The following IARS1 variants were observed in gnomAD, a reference collection of about 807,000 sequenced individuals.
The protein encoded by IARS1 is isoleucine--tRNA ligase, cytoplasmic.
In IARS1, 124 loss-of-function variants were observed where a neutral mutation model predicts 168.2. The ratio of observed to expected loss-of-function variants is 0.74; its 90% confidence interval spans 0.64 to 0.86. The LOEUF is 0.86. Ranked by LOEUF, IARS1 falls within the 40% of genes least tolerant of loss-of-function variation. The pLI, the probability that IARS1 is intolerant of heterozygous loss-of-function variation, is 0.00. For missense variants in IARS1, 1,452 were observed against 1,515.8 expected (o/e 0.96, Z 0.70); for synonymous variants, 532 against 529.4 (o/e 1.00, Z -0.07).
intron 30 of IARS1, among the ~76,000 whole-genome samples, chr9:92,237,714 A>G (rs1319425825): frequency 1.3e-5 from 2 of 152,170 alleles, no homozygotes; most frequent in African/African-American, 4.8e-5. Flanking sequence ...TGCCCCTGGT[A>G]ATTTTCTTTG....
intron 31 of IARS1, among the ~76,000 whole-genome samples, chr9:92,226,666 T>A (rs371369115): frequency 9.9e-5 from 15 of 152,260 alleles, no homozygotes; most frequent in African/African-American, 3.6e-4. Flanking sequence ...GGCGAATTCT[T>A]TTTTGCCTCT....
intron 25 of IARS1, among the ~76,000 whole-genome samples, chr9:92,249,322 C>T (rs1397766676): frequency 6.6e-6 from 1 of 152,154 alleles, no homozygotes; most frequent in Non-Finnish European, 1.5e-5. Context: ...GAGGCCAAGG[C>T]GGGCAGATCA....
At chr9:92,286,790 T>A (rs1225272383) in intron 4 of IARS1, among the ~76,000 whole-genome samples, 172 bp from the exon 5 acceptor site, 1 of 152,192 alleles carries the variant, frequency 6.6e-6, no homozygotes, top group East Asian at 1.9e-4. Context: ...AAGAACCAGT[T>A]TTCTCGGCAT....
intron 9 of IARS1, among the ~76,000 whole-genome samples, chr9:92,277,656 C>A (rs1262078405): frequency 1.4e-5 from 2 of 140,556 alleles, no homozygotes. Context: ...GCCTGGGGGA[C>A]AGAGGAAACC....
intron 7 of IARS1, among the ~76,000 whole-genome samples, chr9:92,279,798 C>T (rs1417077092): frequency 1.3e-5 from 2 of 152,096 alleles, no homozygotes; most frequent in East Asian, 1.9e-4. Context: ...CAATAACTCC[C>T]CCTTCCCTCC....
At position 92,222,644 on chromosome 9, in the gene IARS1, G is replaced by C; in HGVS notation, c.3582C>G (p.Leu1194=). 1 of 1,614,044 alleles carries C rather than the reference G, an allele frequency of 6.2e-7. No individual in the cohort carries two copies. The highest frequency in any genetic ancestry group is 8.5e-7 in the Non-Finnish European group (1 of 1,179,992). ...QECLMGTVGT[L]LLENPLGQNG... is the part of the protein sequence containing the mutation. ...TCTGCCCAAGTGGGTTTTCAAGCAGGAGAGTGCCCACTGTCCCCATTAAAC... is the reference window on the plus strand; with the variant it reads ...TCTGCCCAAGTGGGTTTTCAAGCAGCAGAGTGCCCACTGTCCCCATTAAAC... Residue 1194 remains leucine, a synonymous_variant, in exon 33 of 34, where the codon CTC becomes CTG. Coordinates refer to ENST00000443024, the MANE Select transcript of IARS1 (RefSeq NM_002161.6).
intron 30 of IARS1, among the ~76,000 whole-genome samples, chr9:92,237,992 G>A (rs935152677): frequency 1.3e-5 from 2 of 151,950 alleles, no homozygotes; most frequent in African/African-American, 4.8e-5. Flanking sequence ...TGCAACCTCC[G>A]CCTCCCGGGT....
chr9:92,285,639 T>C (rs1488769462), intron 6 of IARS1, 83 bp downstream of exon 6: 2 of 812,308 alleles, frequency 2.5e-6, no homozygotes, highest in Admixed American at 1.9e-5. Context: ...CTGGGTCTAC[T>C]TGGGAATACC....
chr9:92,271,579 C>A lies in IARS1; in HGVS notation c.1067G>T (p.Gly356Val). Residue 356 changes from glycine to valine, a missense_variant, in exon 11 of 34, where the codon GGC (glycine) becomes GTC (valine). Transcript: ENST00000443024. ...ATCTGTCACCTCCGTTGTGAAGCAG[C>A]CTGAAGCATCCACAGGGCAAACAGG... ...SLPVCPVDAS[G>V]CFTTEVTDFA... 6.2e-7 allele frequency: 1 copy of A among 1,614,058 alleles called. No individual in the cohort carries two copies. The highest frequency in any genetic ancestry group is 8.5e-7 in the Non-Finnish European group (1 of 1,179,970).
chr9:92,252,723 C>T (rs1457464826), intron 21 of IARS1, among the ~76,000 whole-genome samples: 1 of 130,856 alleles, frequency 7.6e-6, no homozygotes, highest in Non-Finnish European at 1.5e-5. Flanking sequence ...AAGATCATGC[C>T]ACTGCACTCC....
intron 4 of IARS1, among the ~76,000 whole-genome samples, chr9:92,287,206 T>C (rs537734676): frequency 3.7e-4 from 57 of 152,334 alleles, no homozygotes; most frequent in Non-Finnish European, 6.3e-4. Flanking sequence ...AGAGACATTA[T>C]AGAAAATAGC....
chr9:92,229,160 CAAAT>C lies in IARS1; in HGVS notation c.3284-38_3284-35del, dbSNP rs760741687. The C allele has an allele frequency of 6.3e-6, 10 of 1,594,356 alleles. No homozygotes were observed. In the African/African-American group the frequency reaches 6.8e-5, roughly 11 times the overall value. On this transcript the variant is annotated intron_variant, in intron 30 of 33. Transcript: ENST00000443024. ...CCACAAAAATAACACCTCAATCAGA[CAAAT>C]AAAACTAAAAAGAAAATGTTACATT...
rs1587844754 is a variant in IARS1, at chr9:92,268,026, C to T, written c.1431+148G>A. On this transcript the variant is annotated intron_variant, in intron 14 of 33. Transcript: ENST00000443024. ...ACCCCAGAAACAGATTATCTTATGT[C>T]ATGATTCTAGAAAGGAATAAAGAGG... 8.4e-6 allele frequency: 7 copies of T among 830,960 alleles called. No homozygotes were observed. The East Asian group carries it at 1.8e-4, about 21-fold the overall frequency. The allele number at this position is 830,960 out of a possible 1,614,324, so 51.5% of individuals were successfully genotyped here.
intron 31 of IARS1, among the ~76,000 whole-genome samples, chr9:92,227,664 C>T (rs1238740824): frequency 4.7e-5 from 7 of 149,890 alleles, no homozygotes; most frequent in Admixed American, 4.6e-4. Context: ...TCAGACGGGG[C>T]GGCCGGGCAG....
intron 14 of IARS1, among the ~76,000 whole-genome samples, 181 bp downstream of exon 14, chr9:92,267,993 A>C (rs1832523722): frequency 6.6e-6 from 1 of 152,234 alleles, no homozygotes; most frequent in South Asian, 2.1e-4. Context: ...AAGGAAAAAA[A>C]GTTAAAAACC....
At chr9:92,280,654 C>T in intron 7 of IARS1, 92 bp downstream of exon 7, 4 of 717,394 alleles carry the variant, frequency 5.6e-6, no homozygotes, top group East Asian at 5.8e-5. Flanking sequence ...TAATTCTATT[C>T]TTCATGCAAA....
At chr9:92,280,486 T>C (rs1319438086) in intron 7 of IARS1, among the ~76,000 whole-genome samples, 1 of 152,184 alleles carries the variant, frequency 6.6e-6, no homozygotes, top group Non-Finnish European at 1.5e-5. Context: ...CACAGGGGCA[T>C]GGTGTGGAAA....
intron 25 of IARS1, among the ~76,000 whole-genome samples, chr9:92,248,606 T>C (rs1829563467): frequency 8.0e-6 from 1 of 125,136 alleles, no homozygotes; most frequent in Non-Finnish European, 1.6e-5. Flanking sequence ...TGAGCCAAGA[T>C]CACATCACTG....
chr9:92,250,099 T>G, intron 24 of IARS1, 88 bp downstream of exon 24: 1 of 944,556 alleles, frequency 1.1e-6, no homozygotes, highest in Non-Finnish European at 1.7e-6. Flanking sequence ...AAAAGGCCAT[T>G]GGTGGAAGCT....
Sources: allele counts gnomAD v4.1 joint callset (sites outside exome capture counted in the v4.1 genomes callset), GRCh38; gene constraint gnomAD v4.1.1; transcripts MANE v1.5; gene names NCBI Gene and HGNC (gene_info 2026-07-23, HGNC 2026-07-21).